The following ARFIP1 variants were observed in gnomAD, a reference collection of about 807,000 sequenced individuals.
ARFIP1 encodes ARF interacting protein 1, also known as arfaptin-1.
A neutral mutation model predicts 42.5 loss-of-function variants in ARFIP1; 24 were observed. The observed-to-expected ratio is 0.57, with a 90% confidence interval of 0.41 to 0.80. ARFIP1 has a LOEUF of 0.80. Among genes scored for constraint, ARFIP1 ranks in the 30% least tolerant of loss-of-function variants. The probability of loss-of-function intolerance (pLI) is 0.00; values close to 1 mark genes in which losing one functional copy is unlikely to be tolerated. For synonymous variants in ARFIP1, 141 were observed against 153.7 expected (o/e 0.92, Z 0.61); for missense variants, 354 against 434.0 (o/e 0.82, Z 1.64).
intron 1 of ARFIP1, among the ~76,000 whole-genome samples, chr4:152,823,814 C>A: frequency 7.1e-6 from 1 of 141,732 alleles, no homozygotes. Context: ...AGAATTGGTA[C>A]CAATTTTACT....
chr4:152,839,937 T>C (rs1019958531), intron 2 of ARFIP1, among the ~76,000 whole-genome samples: 2 of 152,188 alleles, frequency 1.3e-5, no homozygotes, highest in African/African-American at 4.8e-5. Flanking sequence ...CTCTTTGCAC[T>C]TCTTAGCACC....
intron 2 of ARFIP1, among the ~76,000 whole-genome samples, chr4:152,859,855 C>A (rs1733743235): frequency 6.7e-6 from 1 of 150,248 alleles, no homozygotes; most frequent in Non-Finnish European, 1.5e-5. Flanking sequence ...TGTTTAAAGT[C>A]ACTGGATATC....
chr4:152,797,428 C>T (rs575774299), intron 1 of ARFIP1, among the ~76,000 whole-genome samples: 1 of 152,274 alleles, frequency 6.6e-6, no homozygotes, highest in African/African-American at 2.4e-5. Flanking sequence ...CAATGATTTC[C>T]TACCTATTCT....
chr4:152,881,859 A>G (rs1043902650), intron 6 of ARFIP1, among the ~76,000 whole-genome samples: 1 of 152,222 alleles, frequency 6.6e-6, no homozygotes, highest in African/African-American at 2.4e-5. Context: ...AGCTATTGCA[A>G]TAGCATTAAA....
intron 8 of ARFIP1, among the ~76,000 whole-genome samples, chr4:152,901,197 C>T (rs1579043554): frequency 6.6e-6 from 1 of 152,208 alleles, no homozygotes; most frequent in East Asian, 1.9e-4. Flanking sequence ...TAGAAATAAA[C>T]TGTCTTTTAT....
At chr4:152,898,233 C>A (rs907680788) in intron 8 of ARFIP1, among the ~76,000 whole-genome samples, 1 of 151,978 alleles carries the variant, frequency 6.6e-6, no homozygotes, top group Non-Finnish European at 1.5e-5. Context: ...CCACCCGCCT[C>A]GCCCTCCCAA....
intron 2 of ARFIP1, among the ~76,000 whole-genome samples, chr4:152,847,418 C>A (rs1489384411): frequency 6.6e-6 from 1 of 151,902 alleles, no homozygotes; most frequent in Non-Finnish European, 1.5e-5. Flanking sequence ...CAGGCATGAG[C>A]CACTGCACCC....
At position 152,866,956 on chromosome 4, in the gene ARFIP1, C is replaced by T. The variant is rs560014278; in HGVS notation, c.202+3242C>T. On this transcript the variant is annotated intron_variant, in intron 3 of 8. Transcript: ENST00000353617. Reference sequence around the variant, plus strand: ...GATGGATGGCGGCCGGGAAGAGGCGCTCCTCACTTCCTAGATGGGATGGCG... The same window carrying T: ...GATGGATGGCGGCCGGGAAGAGGCGTTCCTCACTTCCTAGATGGGATGGCG... 3.1e-4 allele frequency among the ~76,000 whole-genome samples: 47 copies of T among 151,476 alleles called. 1 individual carries two copies. The East Asian group carries it at 8.4e-3, about 27-fold the overall frequency.
intron 8 of ARFIP1, among the ~76,000 whole-genome samples, chr4:152,904,313 T>A (rs1738117437): frequency 6.6e-6 from 1 of 151,608 alleles, no homozygotes; most frequent in African/African-American, 2.4e-5. Context: ...TGCCTCAGCC[T>A]CCCGAGTTGC....
intron 8 of ARFIP1, among the ~76,000 whole-genome samples, chr4:152,906,404 C>T (rs148434469): frequency 6.6e-6 from 1 of 152,336 alleles, no homozygotes; most frequent in African/African-American, 2.4e-5. Context: ...AATGCAACTT[C>T]ATTCTTTCAG....
At chr4:152,814,654 C>T (rs113281711) in intron 1 of ARFIP1, among the ~76,000 whole-genome samples, 99 of 152,314 alleles carry the variant, frequency 6.5e-4, no homozygotes, top group African/African-American at 2.3e-3. Flanking sequence ...CACCCTATTG[C>T]ACTGCTAGCC....
chr4:152,817,063 T>C (rs977402544), intron 1 of ARFIP1, among the ~76,000 whole-genome samples: 1 of 152,154 alleles, frequency 6.6e-6, no homozygotes, highest in Non-Finnish European at 1.5e-5. Flanking sequence ...TATTTCTGTT[T>C]TATCTCATGC....
intron 8 of ARFIP1, among the ~76,000 whole-genome samples, chr4:152,890,749 G>C (rs1449903375): frequency 1.3e-5 from 2 of 152,158 alleles, no homozygotes; most frequent in African/African-American, 2.4e-5. Context: ...GTAGGAATTT[G>C]ATGATGTGTG....
intron 2 of ARFIP1, among the ~76,000 whole-genome samples, chr4:152,860,470 A>G (rs1480964808): frequency 6.6e-6 from 1 of 152,148 alleles, no homozygotes; most frequent in East Asian, 1.9e-4. Flanking sequence ...GCCTTCTGAA[A>G]CTCCACCCTG....
chr4:152,792,017 A>G (rs1290355946), intron 1 of ARFIP1, among the ~76,000 whole-genome samples: 1 of 152,164 alleles, frequency 6.6e-6, no homozygotes, highest in African/African-American at 2.4e-5. Context: ...AGATGGGCAT[A>G]TTCCAGTAGA....
At chr4:152,854,313 G>A (rs191107590) in intron 2 of ARFIP1, among the ~76,000 whole-genome samples, 33 of 152,202 alleles carry the variant, frequency 2.2e-4, no homozygotes, top group Admixed American at 4.6e-4. Context: ...CAGAATTTCC[G>A]TTTGGTTCTT....
chr4:152,872,468 G>T lies in ARFIP1; in HGVS notation c.315G>T (p.Gln105His), dbSNP rs762628406. 1 of 1,609,672 alleles carries T rather than the reference G, an allele frequency of 6.2e-7. No individual in the cohort carries two copies. The highest frequency in any genetic ancestry group is 8.5e-7 in the Non-Finnish European group (1 of 1,177,948). The change falls in exon 5 of 9, where the codon CAG becomes CAT. Residue 105 changes from glutamine (Q) to histidine (H), a missense_variant. Coordinates refer to ENST00000353617, the MANE Select transcript of ARFIP1 (RefSeq NM_001025595.3). ...LIVPAGGQRT[Q>H]TKSGPVILAD... ...ATCTTGCAGGTGGCCAGAGAACACA[G>T]ACAAAAAGTGGACCAGTTATTCTAG... is the stretch of plus-strand genomic sequence containing the variant.
chr4:152,789,604 AT>A (rs1731032990), intron 1 of ARFIP1, among the ~76,000 whole-genome samples: 1 of 152,138 alleles, frequency 6.6e-6, no homozygotes, highest in Non-Finnish European at 1.5e-5. Flanking sequence ...GTCTACATAA[AT>A]TTTTGAAAAA....
At chr4:152,841,900 C>A (rs1732112118) in intron 2 of ARFIP1, among the ~76,000 whole-genome samples, 1 of 152,144 alleles carries the variant, frequency 6.6e-6, no homozygotes, top group African/African-American at 2.4e-5. Flanking sequence ...TCGAGGAAAT[C>A]TCAACTGCAC....
Sources: allele counts gnomAD v4.1 joint callset (sites outside exome capture counted in the v4.1 genomes callset), GRCh38; gene constraint gnomAD v4.1.1; transcripts MANE v1.5; gene names NCBI Gene and HGNC (gene_info 2026-07-23, HGNC 2026-07-21).